ZNF521: variants seen among roughly 807,000 people sequenced by gnomAD.
ZNF521 encodes the protein zinc finger protein 521, also known as LYST-interacting protein 3.
A neutral mutation model predicts 105.5 loss-of-function variants in ZNF521; 14 were observed. The ratio of observed to expected loss-of-function variants is 0.13; its 90% CI spans 0.09 to 0.21. The LOEUF (loss-of-function observed/expected upper bound fraction) is 0.21. ZNF521 is among the 10% of genes least tolerant of loss of function. The probability of loss-of-function intolerance (pLI) is 1.00; values close to 1 mark genes in which losing one functional copy is unlikely to be tolerated. For synonymous variants in ZNF521, 635 were observed against 606.0 expected (o/e 1.05, Z -0.70); for missense variants, 1,233 against 1,629.7 (o/e 0.76, Z 4.19).
chr18:25,115,989 T>C (rs146423656), intron 5 of ZNF521, among the ~76,000 whole-genome samples: 74 of 152,276 alleles, frequency 4.9e-4, no homozygotes, highest in African/African-American at 1.7e-3. Context: ...GATAAGCACT[T>C]AGGGTTAAGG....
intron 4 of ZNF521, among the ~76,000 whole-genome samples, chr18:25,216,472 T>C (rs1029647969): frequency 6.6e-6 from 1 of 152,240 alleles, no homozygotes; most frequent in Admixed American, 6.5e-5. Flanking sequence ...CTGAAGGACT[T>C]ACACTGTATT....
chr18:25,063,454 T>A (rs888405495), intron 7 of ZNF521, among the ~76,000 whole-genome samples: 7 of 152,158 alleles, frequency 4.6e-5, no homozygotes, highest in African/African-American at 7.2e-5. Flanking sequence ...GTGCTGTATA[T>A]TGGTGGTCCC....
At chr18:25,160,634 GT>G (rs1205884368) in intron 5 of ZNF521, among the ~76,000 whole-genome samples, 1 of 152,176 alleles carries the variant, frequency 6.6e-6, no homozygotes, top group Non-Finnish European at 1.5e-5. Flanking sequence ...GCGCATATGT[GT>G]TCTCTAGGTT....
In ZNF521 at chr18:25,224,694, C is replaced by T. The variant is rs777891991; in HGVS notation, c.3224G>A (p.Arg1075His). The T allele has an allele frequency of 9.3e-6, 15 of 1,614,070 alleles. No homozygotes were observed. Among genetic ancestry groups the T allele is most frequent in the East Asian group, 2.2e-5 (1 of 44,864 alleles). Residue 1075 changes from arginine (R) to histidine (H), a missense_variant, in exon 4 of 8, where the codon CGT becomes CAT. Coordinates refer to ENST00000361524, the MANE Select transcript of ZNF521 (RefSeq NM_015461.3). ...YKCASCLKEFRSKQDLVKLDI... is the reference protein window; with the variant it reads ...YKCASCLKEFHSKQDLVKLDI... ...AAGTTTCACCAGATCTTGCTTGGAA[C>T]GGAATTCTTTGAGGCAAGATGCGCA...
intron 2 of ZNF521, among the ~76,000 whole-genome samples, chr18:25,342,543 C>G (rs1015602970): frequency 1.4e-5 from 2 of 139,960 alleles, no homozygotes; most frequent in African/African-American, 5.1e-5. Flanking sequence ...ATTCTCCTGC[C>G]TCAGCCTCCC....
intron 5 of ZNF521, among the ~76,000 whole-genome samples, chr18:25,131,675 G>C (rs2034643844): frequency 6.6e-6 from 1 of 152,124 alleles, no homozygotes. Context: ...CTTGTACATA[G>C]TAGGTGCTGA....
chr18:25,158,956 A>T (rs2144514994), intron 5 of ZNF521, among the ~76,000 whole-genome samples: 1 of 144,982 alleles, frequency 6.9e-6, no homozygotes, highest in East Asian at 2.0e-4. Context: ...ACTCCATCTT[A>T]AAAAAAAAAA....
chr18:25,083,931 A>ATTTTT lies in ZNF521; in HGVS notation c.3906+5529_3906+5533dup, dbSNP rs56364504. ...GACCACAGGCACCTCAACCTGGGTA[A>ATTTTT]TTTTTTTTTTTTTTTTTTTTTTTTT... On this transcript the variant is annotated intron_variant, in intron 7 of 7. Transcript: ENST00000361524. 4.3e-4 allele frequency among the ~76,000 whole-genome samples: 25 copies of ATTTTT among 57,888 alleles called. 4 individuals are homozygous for ATTTTT. The highest frequency in any genetic ancestry group is 6.5e-4 in the African/African-American group (9 of 13,788). 38.0% of individuals were successfully genotyped at this position (57,888 alleles called of 152,430 possible).
intron 3 of ZNF521, among the ~76,000 whole-genome samples, chr18:25,280,568 T>A (rs1312294999): frequency 6.6e-6 from 1 of 152,116 alleles, no homozygotes; most frequent in Non-Finnish European, 1.5e-5. Flanking sequence ...TAGAACTACA[T>A]GTAGTACCAC....
intron 5 of ZNF521, among the ~76,000 whole-genome samples, chr18:25,113,686 C>T (rs564037777): frequency 3.4e-4 from 51 of 149,540 alleles, no homozygotes; most frequent in African/African-American, 1.2e-3. Context: ...GTGGAGAGAA[C>T]GAGGAAGTGG....
chr18:25,151,679 G>A (rs1468330087), intron 5 of ZNF521, among the ~76,000 whole-genome samples: 1 of 152,144 alleles, frequency 6.6e-6, no homozygotes, highest in Non-Finnish European at 1.5e-5. Context: ...CAGTAGGGTA[G>A]GAAGGAGTCA....
intron 5 of ZNF521, among the ~76,000 whole-genome samples, chr18:25,139,481 G>A (rs2034806769): frequency 1.3e-5 from 2 of 151,450 alleles, no homozygotes; most frequent in African/African-American, 2.4e-5. Context: ...GCTGTCCCAG[G>A]GAAATATCCT....
chr18:25,269,116 A>G (rs984180674), intron 3 of ZNF521, among the ~76,000 whole-genome samples: 45 of 151,792 alleles, frequency 3.0e-4, no homozygotes, highest in Non-Finnish European at 5.4e-4. Context: ...CAAAAAAAAA[A>G]AAAAAAAGCA....
chr18:25,164,148 C>A (rs553733542), intron 5 of ZNF521, among the ~76,000 whole-genome samples: 2 of 152,294 alleles, frequency 1.3e-5, no homozygotes, highest in East Asian at 1.9e-4. Context: ...GTATCCCCCC[C>A]ACTTCCCTGC....
chr18:25,111,791 G>C (rs1309693029), intron 5 of ZNF521, among the ~76,000 whole-genome samples: 2 of 152,226 alleles, frequency 1.3e-5, no homozygotes, highest in African/African-American at 4.8e-5. Context: ...ACAGATGTCA[G>C]GCAAGCCTGA....
intron 2 of ZNF521, among the ~76,000 whole-genome samples, chr18:25,323,744 C>T (rs1913057719): frequency 6.6e-6 from 1 of 152,222 alleles, no homozygotes; most frequent in Non-Finnish European, 1.5e-5. Flanking sequence ...CTATGTTGCA[C>T]ATAGCACGTT....
intron 5 of ZNF521, among the ~76,000 whole-genome samples, chr18:25,147,065 G>C (rs938144484): frequency 4.6e-5 from 7 of 152,100 alleles, no homozygotes; most frequent in Non-Finnish European, 1.0e-4. Context: ...GCAGGATACA[G>C]AGCAGGGCAA....
intron 4 of ZNF521, among the ~76,000 whole-genome samples, chr18:25,210,910 A>G (rs1203635286): frequency 2.0e-5 from 3 of 152,226 alleles, no homozygotes; most frequent in African/African-American, 4.8e-5. Context: ...CCAAATAACC[A>G]TATTTGTATA....
In ZNF521 at chr18:25,227,367, G is replaced by A; in HGVS notation, c.551C>T (p.Ser184Phe). ...GTGGATCTTCAAGTGATCACTTCTG[G>A]AAAACGCAGCATCACATTCACTGCA... is the stretch of plus-strand genomic sequence containing the variant. The part of the protein sequence containing the change: ...YHCSECDAAF[S>F]RSDHLKIHLK... Residue 184 changes from serine (S) to phenylalanine (F), a missense_variant, in exon 4 of 8, where the codon TCC becomes TTC. Transcript: ENST00000361524. The surrounding 1 kb of genome is among the most constrained non-coding windows in gnomAD (Gnocchi z 5.7). 2 of 1,614,140 alleles carry A rather than the reference G, an allele frequency of 1.2e-6. No individual in the cohort carries two copies. Among genetic ancestry groups the A allele is most frequent in the Non-Finnish European group, 1.7e-6 (2 of 1,180,032 alleles).
Sources: allele counts gnomAD v4.1 joint callset (sites outside exome capture counted in the v4.1 genomes callset), GRCh38; gene constraint gnomAD v4.1.1; non-coding constraint Gnocchi (gnomAD v3.1); transcripts MANE v1.5; gene names NCBI Gene and HGNC (gene_info 2026-07-23, HGNC 2026-07-21).